The following FRMD3 variants were observed in gnomAD, a reference collection of about 807,000 sequenced individuals.
The protein encoded by FRMD3 is FERM domain-containing protein 3.
In FRMD3, 33 loss-of-function variants were observed where a neutral mutation model predicts 70.2. The observed-to-expected ratio is 0.47, with a 90% CI of 0.36 to 0.63. The LOEUF (loss-of-function observed/expected upper bound fraction) is 0.63. FRMD3 is among the 20% of genes least tolerant of loss of function. The pLI is 0.00. For synonymous variants in FRMD3, 279 were observed against 255.9 expected, an observed-to-expected ratio of 1.09 and a Z score of -0.86; for missense variants, 632 against 711.4, an observed-to-expected ratio of 0.89 and a Z score of 1.27.
chr9:83,328,512 T>C (rs1836112768), intron 6 of FRMD3, among the ~76,000 whole-genome samples: 1 of 152,268 alleles, frequency 6.6e-6, no homozygotes, highest in African/African-American at 2.4e-5. Context: ...CAAATTTCTT[T>C]GCTGTTGGCT....
intron 3 of FRMD3, among the ~76,000 whole-genome samples, chr9:83,366,204 A>T (rs549346470): frequency 9.2e-5 from 14 of 152,264 alleles, no homozygotes; most frequent in African/African-American, 3.1e-4. Flanking sequence ...AGTATGGAGT[A>T]TGGGTTTTCA....
intron 1 of FRMD3, among the ~76,000 whole-genome samples, chr9:83,452,255 T>C (rs1217016610): frequency 6.6e-6 from 1 of 152,190 alleles, no homozygotes; most frequent in Non-Finnish European, 1.5e-5. Context: ...AAATCTATAC[T>C]CAGAATGAGT....
intron 1 of FRMD3, among the ~76,000 whole-genome samples, chr9:83,472,298 A>G (rs147836442): frequency 6.6e-6 from 1 of 152,318 alleles, no homozygotes; most frequent in Non-Finnish European, 1.5e-5. Context: ...GGGTGAGGGA[A>G]ATAAAACCTG....
intron 1 of FRMD3, among the ~76,000 whole-genome samples, chr9:83,425,492 G>A (rs72745059): frequency 0.23 from 35,716 of 152,036 alleles, 4,277 homozygotes; most frequent in Non-Finnish European, 0.26. Flanking sequence ...GAACTGGCCC[G>A]GGGAAACCTG....
intron 1 of FRMD3, among the ~76,000 whole-genome samples, chr9:83,432,295 G>T (rs971888873): frequency 2.0e-5 from 3 of 152,192 alleles, no homozygotes; most frequent in Admixed American, 1.3e-4. Context: ...CTCTGGCCTT[G>T]CCACTGAGCC....
rs548068684 is a variant in FRMD3, at chr9:83,307,892, CCT to C, written c.926+1642_926+1643del. On this transcript the variant is annotated intron_variant, in intron 10 of 13. Coordinates refer to ENST00000304195, the MANE Select transcript of FRMD3 (RefSeq NM_174938.6). ...CAACTAAAGACTGAGAGCATCAAAC[CCT>C]CTGTGTTTCCCTCTCTGAACTCTCA... 7.2e-5 allele frequency among the ~76,000 whole-genome samples: 11 copies of C among 152,104 alleles called. No homozygotes were observed. The South Asian group carries it at 2.3e-3, about 32-fold the overall frequency.
At chr9:83,254,191 C>A (rs1410541906) in intron 13 of FRMD3, among the ~76,000 whole-genome samples, 2 of 151,862 alleles carry the variant, frequency 1.3e-5, no homozygotes, top group Non-Finnish European at 2.9e-5. Flanking sequence ...GTGCAGTACA[C>A]CAACATGGCA....
chr9:83,442,252 ATCTT>A (rs1353056309), intron 1 of FRMD3, among the ~76,000 whole-genome samples: 6 of 134,198 alleles, frequency 4.5e-5, no homozygotes, highest in African/African-American at 1.8e-4. Flanking sequence ...GTTTATACAG[ATCTT>A]TTTTTTTTTT....
In FRMD3 at chr9:83,248,370, T is replaced by G. The variant is rs1161826197; in HGVS notation, c.1342A>C (p.Asn448His). Residue 448 changes from asparagine (N) to histidine (H), a missense_variant, in exon 14 of 14, where the codon AAC becomes CAC. Asn to His is a moderately conservative substitution (Grantham distance 68). Transcript: ENST00000304195. ...EPLTISELVY[N>H]PSASLLPTPV... ...GTGGGGAGCAGGCTGGCACTTGGGT[T>G]GTACACTAGTTCAGAGATGGTTAAA... 2 of 1,614,160 alleles carry G rather than the reference T, an allele frequency of 1.2e-6. No individual in the cohort carries two copies. The highest frequency in any genetic ancestry group is 1.1e-5 in the South Asian group (1 of 91,074).
chr9:83,479,676 GAAA>G (rs59458428), intron 1 of FRMD3, among the ~76,000 whole-genome samples: 89 of 48,784 alleles, frequency 1.8e-3, no homozygotes, highest in Non-Finnish European at 2.5e-3. Flanking sequence ...AGGAAGGAAA[GAAA>G]GAAAGAAAGA....
At chr9:83,274,541 C>T (rs1587663370) in intron 13 of FRMD3, among the ~76,000 whole-genome samples, 1 of 152,262 alleles carries the variant, frequency 6.6e-6, no homozygotes, top group East Asian at 1.9e-4. Context: ...AAAGAACAGC[C>T]AGAGCAAGGG....
At chr9:83,311,846 T>C in intron 8 of FRMD3, 41 bp downstream of exon 8, 1 of 1,398,280 alleles carries the variant, frequency 7.2e-7, no homozygotes, top group Non-Finnish European at 1.0e-6. Context: ...GGAATCAAGA[T>C]TAAGAAAAAT....
the FRMD3 span, among the ~76,000 whole-genome samples, chr9:83,575,310 C>G: frequency 6.6e-6 from 1 of 152,188 alleles, no homozygotes; most frequent in Non-Finnish European, 1.5e-5. Flanking sequence ...ACCTCTGCCT[C>G]CCATATGTAC....
At chr9:83,328,745 C>T (rs992345174) in intron 6 of FRMD3, among the ~76,000 whole-genome samples, 1 of 152,126 alleles carries the variant, frequency 6.6e-6, no homozygotes, top group Non-Finnish European at 1.5e-5. Flanking sequence ...CAGTGCCCCA[C>T]AAAAGGCTGC....
chr9:83,371,347 T>C (rs1433121548), intron 3 of FRMD3, among the ~76,000 whole-genome samples: 1 of 151,400 alleles, frequency 6.6e-6, no homozygotes, highest in Non-Finnish European at 1.5e-5. Context: ...AACGGAGTCC[T>C]GGTCTGTGGC....
At chr9:83,381,624 T>C (rs1183986013) in intron 2 of FRMD3, among the ~76,000 whole-genome samples, 1 of 152,090 alleles carries the variant, frequency 6.6e-6, no homozygotes, top group Admixed American at 6.6e-5. Context: ...TTAGCCATGA[T>C]GTTTTTGTAT....
At chr9:83,387,354 G>A (rs1337102629) in intron 2 of FRMD3, among the ~76,000 whole-genome samples, 1 of 152,046 alleles carries the variant, frequency 6.6e-6, no homozygotes, top group East Asian at 1.9e-4. Flanking sequence ...CAATACTATT[G>A]TTATTTTGTG....
At chr9:83,492,595 C>A (rs979655204) in intron 1 of FRMD3, among the ~76,000 whole-genome samples, 8 of 152,196 alleles carry the variant, frequency 5.3e-5, no homozygotes, top group Non-Finnish European at 1.0e-4. Context: ...GGCTACTGTT[C>A]ATCCACCTAA....
intron 1 of FRMD3, among the ~76,000 whole-genome samples, chr9:83,489,967 T>A (rs1396224491): frequency 6.6e-6 from 1 of 152,188 alleles, no homozygotes; most frequent in Non-Finnish European, 1.5e-5. Context: ...CAACCAAGTT[T>A]TATTCTAATC....
Sources: allele counts gnomAD v4.1 joint callset (sites outside exome capture counted in the v4.1 genomes callset), GRCh38; gene constraint gnomAD v4.1.1; transcripts MANE v1.5; gene names NCBI Gene and HGNC (gene_info 2026-07-23, HGNC 2026-07-21).